CREB5: variants seen among roughly 807,000 people sequenced by gnomAD.
CREB5 encodes the protein cAMP responsive element binding protein 5, also known as cyclic AMP-responsive element-binding protein 5.
CREB5 carries 19 observed loss-of-function variants against 57.1 expected under a neutral mutation model. The ratio of observed to expected loss-of-function variants is 0.33; its 90% CI spans 0.23 to 0.49. The LOEUF (loss-of-function observed/expected upper bound fraction) is 0.49, where lower values mean the gene tolerates loss of function less well. Among genes scored for constraint, CREB5 ranks in the 20% least tolerant of loss-of-function variants. The pLI is 0.99. For missense variants in CREB5, 579 were observed against 671.6 expected (o/e 0.86, Z 1.52); for synonymous variants, 238 against 238.3 (o/e 1.00, Z 0.01).
At chr7:28,802,105 A>AAAAAAGG (rs55754461) in intron 7 of CREB5, among the ~76,000 whole-genome samples, 2 of 147,180 alleles carry the variant, frequency 1.4e-5, no homozygotes, top group Admixed American at 6.8e-5. Flanking sequence ...AAAAAAAAAA[A>AAAAAAGG]GGAGGAAACA....
chr7:28,809,552 A>G (rs1808978612), intron 9 of CREB5, 138 bp downstream of exon 9: 1 of 745,846 alleles, frequency 1.3e-6, no homozygotes, highest in Non-Finnish European at 2.1e-6. Flanking sequence ...CCACTCCTCG[A>G]GTTTTATTAA....
chr7:28,554,342 G>C (rs1480156677), intron 4 of CREB5, among the ~76,000 whole-genome samples: 1 of 152,150 alleles, frequency 6.6e-6, no homozygotes, highest in African/African-American at 2.4e-5. Context: ...GAAGTTCTGG[G>C]TGCAGGTACT....
chr7:28,427,972 G>C (rs1788572557), intron 1 of CREB5, among the ~76,000 whole-genome samples: 1 of 152,170 alleles, frequency 6.6e-6, no homozygotes, highest in Non-Finnish European at 1.5e-5. Context: ...ACCTAATATA[G>C]TAGTAAGTGC....
chr7:28,622,320 C>G (rs1797838683), intron 5 of CREB5, among the ~76,000 whole-genome samples: 1 of 151,524 alleles, frequency 6.6e-6, no homozygotes, highest in South Asian at 2.1e-4. Context: ...ATCATATATC[C>G]CCTTAGAGAT....
intron 1 of CREB5, among the ~76,000 whole-genome samples, chr7:28,429,959 T>C (rs2128016400): frequency 6.6e-6 from 1 of 152,320 alleles, no homozygotes; most frequent in South Asian, 2.1e-4. Flanking sequence ...AAGAAAGAGA[T>C]CTGATTTACC....
chr7:28,685,995 C>T (rs1014157707), intron 5 of CREB5: 11 of 705,512 alleles, frequency 1.6e-5, no homozygotes, highest in South Asian at 1.5e-4. Flanking sequence ...AGCAAGTGAG[C>T]GAGAGCCCAG....
At chr7:28,666,915 A>G (rs1583507613) in intron 5 of CREB5, among the ~76,000 whole-genome samples, 1 of 151,934 alleles carries the variant, frequency 6.6e-6, no homozygotes. Flanking sequence ...GCCTGGACAA[A>G]AGAGAGAGAC....
intron 7 of CREB5, among the ~76,000 whole-genome samples, chr7:28,754,756 C>T (rs917894120): frequency 4.6e-5 from 7 of 152,126 alleles, no homozygotes; most frequent in South Asian, 2.1e-4. Context: ...GCTCTCCAAA[C>T]GTTTTACCTC....
intron 1 of CREB5, among the ~76,000 whole-genome samples, chr7:28,373,839 G>A (rs1343699089): frequency 1.3e-5 from 2 of 151,836 alleles, no homozygotes; most frequent in Non-Finnish European, 2.9e-5. Flanking sequence ...TAAAAAATAA[G>A]TGTGGTTAAT....
chr7:28,440,218 C>G (rs1021387068), intron 1 of CREB5, among the ~76,000 whole-genome samples: 1 of 152,148 alleles, frequency 6.6e-6, no homozygotes, highest in Non-Finnish European at 1.5e-5. Context: ...AGTCCGACAA[C>G]ATTGATTTAT....
At chr7:28,419,455 G>GC (rs758242915) in intron 1 of CREB5, among the ~76,000 whole-genome samples, 1,502 of 152,370 alleles carry the variant, frequency 9.9e-3, no homozygotes, top group Non-Finnish European at 0.017. Context: ...CTGTGTCTTT[G>GC]ATGGGTGAGC....
chr7:28,573,679 G>T (rs1795793232), intron 5 of CREB5, among the ~76,000 whole-genome samples: 1 of 152,204 alleles, frequency 6.6e-6, no homozygotes, highest in African/African-American at 2.4e-5. Flanking sequence ...TTGGAGGCTT[G>T]AATGTATTGA....
intron 3 of CREB5, among the ~76,000 whole-genome samples, chr7:28,500,059 T>G (rs1792215375): frequency 6.6e-6 from 1 of 152,220 alleles, no homozygotes; most frequent in Non-Finnish European, 1.5e-5. Flanking sequence ...CAGCAAACAC[T>G]CACTGAGTGC....
At chr7:28,459,117 C>T (rs1417022086) in intron 1 of CREB5, among the ~76,000 whole-genome samples, 1 of 152,152 alleles carries the variant, frequency 6.6e-6, no homozygotes, top group Non-Finnish European at 1.5e-5. Context: ...CCACTAACGC[C>T]CCAGTGAAAG....
intron 4 of CREB5, among the ~76,000 whole-genome samples, chr7:28,527,543 G>A (rs1793499375): frequency 6.6e-6 from 1 of 152,224 alleles, no homozygotes; most frequent in Non-Finnish European, 1.5e-5. Context: ...ACAGCCAGGT[G>A]CAGTGGTTCT....
At chr7:28,571,298 A>G (rs1040041957) in intron 5 of CREB5, among the ~76,000 whole-genome samples, 4 of 152,194 alleles carry the variant, frequency 2.6e-5, no homozygotes, top group Non-Finnish European at 5.9e-5. Flanking sequence ...AAGCAAAACC[A>G]CGGATAAGGG....
At chr7:28,366,399 G>A (rs1316187934) in intron 1 of CREB5, among the ~76,000 whole-genome samples, 1 of 152,126 alleles carries the variant, frequency 6.6e-6, no homozygotes, top group Non-Finnish European at 1.5e-5. Context: ...TGGCTAGGAT[G>A]TTTTTCCCCA....
At chr7:28,417,748 C>T (rs1337885345) in intron 1 of CREB5, among the ~76,000 whole-genome samples, 2 of 152,130 alleles carry the variant, frequency 1.3e-5, no homozygotes, top group Non-Finnish European at 2.9e-5. Context: ...TGCAGTAAAG[C>T]GTTCATTCAG....
chr7:28,620,391 A>T (rs10240089), intron 5 of CREB5, among the ~76,000 whole-genome samples: 2,173 of 152,224 alleles, frequency 0.014, 43 homozygotes, highest in African/African-American at 0.048. Context: ...AACAGTGCTA[A>T]AAGGGAATTC....
Sources: allele counts gnomAD v4.1 joint callset (sites outside exome capture counted in the v4.1 genomes callset), GRCh38; gene constraint gnomAD v4.1.1; transcripts MANE v1.5; gene names NCBI Gene and HGNC (gene_info 2026-07-23, HGNC 2026-07-21).